CAMTA1: variants seen among roughly 807,000 people sequenced by gnomAD.
CAMTA1 encodes the protein calmodulin binding transcription activator 1.
A neutral mutation model predicts 170.9 loss-of-function variants in CAMTA1; 27 were observed. That is an observed-to-expected ratio of 0.16 (90% CI 0.12 to 0.22). CAMTA1 has a LOEUF of 0.22. Among genes scored for constraint, CAMTA1 ranks in the 10% least tolerant of loss-of-function variants. The pLI is 1.00. For missense variants in CAMTA1, 1,619 were observed against 2,217.2 expected, an observed-to-expected ratio of 0.73 and a Z score of 5.42; for synonymous variants, 833 against 891.5, an observed-to-expected ratio of 0.93 and a Z score of 1.17.
rs965651810 is a variant in CAMTA1, at chr1:7,767,128, T to A, written c.*637T>A. 3 of 152,796 alleles carry A rather than the reference T, an allele frequency of 2.0e-5. No homozygotes were observed. Among genetic ancestry groups the A allele is most frequent in the African/African-American group, 7.2e-5 (3 of 41,428 alleles). 9.5% of individuals were successfully genotyped at this position (152,796 alleles called of 1,614,324 possible). On this transcript the variant is annotated 3_prime_UTR_variant, in exon 23 of 23. Transcript: ENST00000303635. ...TTTTGAAATCTGCAGGTTTTTAATG[T>A]CTTGTGGAAATTTGCAGAGGGGCAG...
chr1:7,727,907 T>TTGCA (rs1245587724), intron 11 of CAMTA1, among the ~76,000 whole-genome samples: 1 of 152,242 alleles, frequency 6.6e-6, no homozygotes, highest in Non-Finnish European at 1.5e-5. Flanking sequence ...CTCTCTGAAC[T>TTGCA]TGCATAGCAC....
chr1:6,937,856 T>C (rs1174930695), intron 3 of CAMTA1, among the ~76,000 whole-genome samples: 4 of 150,214 alleles, frequency 2.7e-5, no homozygotes, highest in Admixed American at 6.6e-5. Context: ...TAATCATCAC[T>C]GTCACCATCA....
At chr1:7,726,781 G>C (rs1040503235) in intron 11 of CAMTA1, among the ~76,000 whole-genome samples, 1 of 152,216 alleles carries the variant, frequency 6.6e-6, no homozygotes, top group Non-Finnish European at 1.5e-5. Flanking sequence ...AATATTTCAG[G>C]ATAAGAACTA....
chr1:7,357,214 A>G (rs992222602), intron 5 of CAMTA1, among the ~76,000 whole-genome samples: 1 of 152,232 alleles, frequency 6.6e-6, no homozygotes, highest in Non-Finnish European at 1.5e-5. Context: ...GCATCGAGGG[A>G]TGCCCCGCCC....
At chr1:7,598,938 G>A (rs1277235873) in intron 6 of CAMTA1, among the ~76,000 whole-genome samples, 1 of 152,180 alleles carries the variant, frequency 6.6e-6, no homozygotes, top group Admixed American at 6.5e-5. Context: ...AAGCTCTTTA[G>A]TTTAATGAGA....
intron 3 of CAMTA1, among the ~76,000 whole-genome samples, chr1:7,021,537 CTTA>C (rs2100958536): frequency 6.6e-6 from 1 of 152,314 alleles, no homozygotes; most frequent in East Asian, 1.9e-4. Flanking sequence ...TCCCTTCTTT[CTTA>C]TTCGATTTTT....
chr1:6,895,245 T>C (rs767720458), intron 3 of CAMTA1, among the ~76,000 whole-genome samples: 1 of 152,226 alleles, frequency 6.6e-6, no homozygotes, highest in Non-Finnish European at 1.5e-5. Flanking sequence ...TGAGATTCAC[T>C]TAACACAAAC....
intron 6 of CAMTA1, among the ~76,000 whole-genome samples, chr1:7,639,751 A>G (rs568470344): frequency 4.0e-5 from 6 of 151,058 alleles, no homozygotes; most frequent in Non-Finnish European, 7.4e-5. Flanking sequence ...AACCTGGACG[A>G]TGGAGTGAGA....
intron 5 of CAMTA1, among the ~76,000 whole-genome samples, chr1:7,388,720 C>T (rs1221069745): frequency 1.3e-5 from 2 of 152,220 alleles, no homozygotes; most frequent in East Asian, 3.9e-4. Context: ...GTTCTGACTG[C>T]TGATGCGCCT....
At chr1:7,114,021 G>C (rs912940459) in intron 4 of CAMTA1, among the ~76,000 whole-genome samples, 6 of 152,080 alleles carry the variant, frequency 3.9e-5, no homozygotes, top group Non-Finnish European at 7.4e-5. Context: ...TGTAACCCAC[G>C]AGCCTGCTGC....
chr1:6,803,345 T>C (rs1002985117), intron 1 of CAMTA1, among the ~76,000 whole-genome samples: 3 of 152,228 alleles, frequency 2.0e-5, no homozygotes, highest in African/African-American at 4.8e-5. Context: ...ACAGCCTCTC[T>C]TTAAGTGTAT....
rs2100830844 is a variant in CAMTA1, at chr1:7,014,222, C to T, written c.235-77082C>T. On this transcript the variant is annotated intron_variant, in intron 3 of 22. Transcript: ENST00000303635. The surrounding 1 kb of genome is among the most constrained non-coding windows in gnomAD (Gnocchi z 4.2). The stretch of plus-strand genomic sequence containing the variant: ...CCCTGTCTGGCTCTTGTTCTTCAAA[C>T]CCCATCCAGAGGCAGGCCGGTCTCT... The T allele has an allele frequency of 6.6e-6, 1 of 152,390 alleles. No individual in the cohort carries two copies. Among genetic ancestry groups the T allele is most frequent in the East Asian group, 1.9e-4 (1 of 5,186 alleles). 9.4% of individuals were successfully genotyped at this position (152,390 alleles called of 1,614,324 possible).
intron 18 of CAMTA1, among the ~76,000 whole-genome samples, chr1:7,747,078 T>C (rs1482844553): frequency 6.6e-6 from 1 of 152,238 alleles, no homozygotes; most frequent in Admixed American, 6.5e-5. Flanking sequence ...AGTAAAATAA[T>C]GTTAGCCAAT....
At chr1:6,886,068 A>G (rs1357281106) in intron 3 of CAMTA1, among the ~76,000 whole-genome samples, 6 of 152,182 alleles carry the variant, frequency 3.9e-5, no homozygotes, top group African/African-American at 1.4e-4. Flanking sequence ...TCCTTGGGCA[A>G]GGGTGCTGGT....
At chr1:7,492,213 G>A (rs185050966) in intron 6 of CAMTA1, among the ~76,000 whole-genome samples, 1 of 152,168 alleles carries the variant, frequency 6.6e-6, no homozygotes, top group South Asian at 2.1e-4. Flanking sequence ...AGGCCAGGGC[G>A]ATACACTCAG....
Position 7,485,223 on chromosome 1 carries a change from G to A in CAMTA1, c.510+17322G>A, listed in dbSNP as rs556332840. 9.9e-5 allele frequency among the ~76,000 whole-genome samples: 15 copies of A among 152,274 alleles called. No homozygotes were observed. The East Asian group carries it at 1.7e-3, about 18-fold the overall frequency. The stretch of plus-strand genomic sequence containing the variant: ...AGCCTGAAAGCCACGGCCCTTGTGC[G>A]CGCATTACATAGCTGCAGTTGCCAG... On this transcript the variant is annotated intron_variant, in intron 6 of 22. Coordinates refer to ENST00000303635, the MANE Select transcript of CAMTA1 (RefSeq NM_015215.4).
intron 1 of CAMTA1, among the ~76,000 whole-genome samples, chr1:6,803,669 A>G (rs1057206209): frequency 1.3e-5 from 2 of 152,246 alleles, no homozygotes; most frequent in African/African-American, 4.8e-5. Context: ...TAAAGAAACA[A>G]CCTTCACAGT....
At chr1:7,586,368 C>T (rs543912754) in intron 6 of CAMTA1, among the ~76,000 whole-genome samples, 79 of 152,304 alleles carry the variant, frequency 5.2e-4, no homozygotes, top group Non-Finnish European at 1.0e-3. Flanking sequence ...GCCTTATCTG[C>T]GCTCCCCAGA....
Position 7,293,275 on chromosome 1 carries a change from C to T in CAMTA1, c.438+43649C>T, listed in dbSNP as rs1403589073. 2.6e-5 allele frequency among the ~76,000 whole-genome samples: 4 copies of T among 152,170 alleles called. No individual in the cohort carries two copies. Among genetic ancestry groups the T allele is most frequent in the Admixed American group, 6.5e-5 (1 of 15,278 alleles). ...ACCGCCACTCGTCTCCAGGAGCTCCCGCCAGAGGCCTGCTGTGACAAGGGA... is the reference window on the plus strand; with the variant it reads ...ACCGCCACTCGTCTCCAGGAGCTCCTGCCAGAGGCCTGCTGTGACAAGGGA... On this transcript the variant is annotated intron_variant, in intron 5 of 22. Transcript: ENST00000303635. This position sits in a 1 kb window ranked among gnomAD's most constrained non-coding sequence, Gnocchi z 4.1.
Sources: gnomAD v4.1 joint callset for allele counts (sites outside exome capture counted in the v4.1 genomes callset) on GRCh38, gnomAD v4.1.1 for gene constraint, Gnocchi (gnomAD v3.1) non-coding constraint, MANE v1.5 for transcripts, NCBI Gene and HGNC (gene_info 2026-07-23, HGNC 2026-07-21) for gene names.